Variants in SKIC3 observed in about 807,000 individuals in gnomAD.
SKIC3 encodes the protein superkiller complex protein 3.
At chr5:95,510,376 C>A in the SKIC3 span, among the ~76,000 whole-genome samples, 1 of 152,178 alleles carries the variant, frequency 6.6e-6, no homozygotes, top group African/African-American at 2.4e-5. Flanking sequence ...CAAAACAAAC[C>A]CCCTTCTTGC....
the SKIC3 span, chr5:95,517,194 T>C: frequency 6.2e-7 from 1 of 1,613,410 alleles, no homozygotes; most frequent in Non-Finnish European, 8.5e-7. Context: ...TTGTTTTCCT[T>C]CTTTCTGACC....
At chr5:95,525,611 T>C in the SKIC3 span, 1 of 1,614,084 alleles carries the variant, frequency 6.2e-7, no homozygotes, top group Non-Finnish European at 8.5e-7. Flanking sequence ...CAAATGAACC[T>C]TTGTTCCGAT....
At chr5:95,552,507 T>C in the SKIC3 span, among the ~76,000 whole-genome samples, 4 of 152,184 alleles carry the variant, frequency 2.6e-5, no homozygotes, top group African/African-American at 9.7e-5. Context: ...TTCCAAGGCT[T>C]ACCAGTGTTA....
At chr5:95,535,221 G>A in the SKIC3 span, among the ~76,000 whole-genome samples, 13 of 150,592 alleles carry the variant, frequency 8.6e-5, no homozygotes, top group Non-Finnish European at 1.9e-4. Context: ...GTAGTAAAAA[G>A]TACTCTCCTA....
the SKIC3 span, among the ~76,000 whole-genome samples, chr5:95,481,331 A>C: frequency 2.0e-5 from 3 of 152,080 alleles, no homozygotes; most frequent in Non-Finnish European, 4.4e-5. Context: ...AGTTTTAAAA[A>C]GGGGAGTTTC....
At chr5:95,523,809 C>T in the SKIC3 span, 1 of 1,613,312 alleles carries the variant, frequency 6.2e-7, no homozygotes, top group African/African-American at 1.3e-5. Context: ...GAAAACTTTG[C>T]CCATATATGT....
chr5:95,534,891 C>T, the SKIC3 span, among the ~76,000 whole-genome samples: 1 of 152,204 alleles, frequency 6.6e-6, no homozygotes, highest in Admixed American at 6.5e-5. Flanking sequence ...CACTGATGGG[C>T]ATTTCTCATT....
the SKIC3 span, among the ~76,000 whole-genome samples, chr5:95,544,494 C>T: frequency 6.6e-6 from 1 of 152,308 alleles, no homozygotes; most frequent in East Asian, 1.9e-4. Context: ...CAAAAGACCA[C>T]TTAGCCTGTG....
chr5:95,498,918 C>A, the SKIC3 span, among the ~76,000 whole-genome samples: 1 of 152,210 alleles, frequency 6.6e-6, no homozygotes, highest in Non-Finnish European at 1.5e-5. Context: ...AGCCACCGCG[C>A]CCAGCCTATG....
At chr5:95,489,256 C>G in the SKIC3 span, among the ~76,000 whole-genome samples, 1 of 151,662 alleles carries the variant, frequency 6.6e-6, no homozygotes, top group Non-Finnish European at 1.5e-5. Context: ...CTGGGCAACA[C>G]AGCAAGACCT....
chr5:95,546,011 A>T, the SKIC3 span, among the ~76,000 whole-genome samples: 1 of 151,700 alleles, frequency 6.6e-6, no homozygotes. Flanking sequence ...GGTTTCTCTA[A>T]TTTTTTCTAT....
the SKIC3 span, among the ~76,000 whole-genome samples, chr5:95,542,517 T>A: frequency 1.3e-5 from 2 of 152,202 alleles, no homozygotes; most frequent in African/African-American, 4.8e-5. Flanking sequence ...AAGTAGTCTG[T>A]GAAAATTGTC....
At chr5:95,546,511 ACACTGTAT>A in the SKIC3 span, among the ~76,000 whole-genome samples, 1 of 152,102 alleles carries the variant, frequency 6.6e-6, no homozygotes, top group Non-Finnish European at 1.5e-5. Context: ...TATAAGCCCA[ACACTGTAT>A]GGATGGGCAC....
chr5:95,552,384 T>G, the SKIC3 span, among the ~76,000 whole-genome samples: 1 of 152,236 alleles, frequency 6.6e-6, no homozygotes, highest in Admixed American at 6.5e-5. Flanking sequence ...AATTCAATTA[T>G]GTCTCCCAAT....
At chr5:95,503,061 G>A in the SKIC3 span, 1 of 1,605,362 alleles carries the variant, frequency 6.2e-7, no homozygotes, top group Non-Finnish European at 8.5e-7. Context: ...GATTGATGAA[G>A]CATGGGATTT....
chr5:95,522,388 C>T, the SKIC3 span: 18 of 1,506,116 alleles, frequency 1.2e-5, no homozygotes, highest in Non-Finnish European at 1.6e-5. Context: ...ATAAATAATT[C>T]AAGTAAACAT....
the SKIC3 span, chr5:95,482,699 T>G: frequency 2.5e-6 from 4 of 1,568,662 alleles, no homozygotes; most frequent in African/African-American, 1.4e-5. Context: ...AAAAGCATTA[T>G]TCTCCAAGTT....
At chr5:95,537,280 GAA>G in the SKIC3 span, 1 of 770,400 alleles carries the variant, frequency 1.3e-6, no homozygotes, top group African/African-American at 1.8e-5. Flanking sequence ...CTTCAACGAG[GAA>G]AAAAATGTAC....
chr5:95,535,600 G>A, the SKIC3 span, among the ~76,000 whole-genome samples: 1 of 151,312 alleles, frequency 6.6e-6, no homozygotes, highest in African/African-American at 2.4e-5. Context: ...GTGAGCCACC[G>A]CGCCCGGCCA....
Sources: allele counts gnomAD v4.1 joint callset (sites outside exome capture counted in the v4.1 genomes callset), GRCh38; gene constraint gnomAD v4.1.1; transcripts MANE v1.5; gene names NCBI Gene and HGNC (gene_info 2026-07-23, HGNC 2026-07-21).